The following NCR1 variants were observed in gnomAD, a reference collection of about 807,000 sequenced individuals.
NCR1 encodes natural cytotoxicity triggering receptor 1, also known as NK cell-activating receptor.
Under a neutral mutation model 32.5 loss-of-function variants are expected in NCR1, and 30 were observed. The observed-to-expected ratio is 0.92, with a 90% confidence interval of 0.69 to 1.25. The LOEUF is 1.25. Ranked by LOEUF, NCR1 falls within the 50% of genes most tolerant of loss-of-function variation. The pLI is 0.00. For synonymous variants in NCR1, 169 were observed against 143.4 expected (o/e 1.18, Z -1.28); for missense variants, 369 against 380.7 (o/e 0.97, Z 0.26).
At chr19:54,921,443 G>A in the NCR1 span, among the ~76,000 whole-genome samples, 1 of 152,176 alleles carries the variant, frequency 6.6e-6, no homozygotes, top group South Asian at 2.1e-4. Flanking sequence ...ATTCAGTGCT[G>A]AAGCCACTCA....
the NCR1 span, chr19:54,923,800 C>T: frequency 6.2e-7 from 1 of 1,614,138 alleles, no homozygotes; most frequent in Admixed American, 1.7e-5. Context: ...AATCAATAGT[C>T]AGCTTGGGAT....
the NCR1 span, chr19:54,934,413 G>GT: frequency 3.4e-6 from 5 of 1,482,916 alleles, no homozygotes; most frequent in Non-Finnish European, 4.7e-6. The surrounding 1 kb of genome is among the most constrained non-coding windows in gnomAD (Gnocchi z 6.7). Flanking sequence ...GGGTGGCGCA[G>GT]TAAGTCAGGT....
At chr19:54,920,156 C>G (rs2068219991), downstream of NCR1, among the ~76,000 whole-genome samples, 1 of 152,248 alleles carries the variant, frequency 6.6e-6, no homozygotes, top group African/African-American at 2.4e-5. Flanking sequence ...GGTGCCTTGC[C>G]GCCCACAATC....
At chr19:54,938,158 C>T in the NCR1 span, 1 of 1,613,968 alleles carries the variant, frequency 6.2e-7, no homozygotes, top group Non-Finnish European at 8.5e-7. Context: ...GCTGTTTGAG[C>T]TGAAGAGAGA....
the NCR1 span, among the ~76,000 whole-genome samples, chr19:54,924,684 C>G: frequency 6.6e-6 from 1 of 152,090 alleles, no homozygotes; most frequent in African/African-American, 2.4e-5. Flanking sequence ...GCCTATAATT[C>G]CAGCACTTTG....
intron 6 of NCR1, 57 bp from the exon 7 acceptor site, chr19:54,912,633 A>G: frequency 4.2e-6 from 2 of 477,334 alleles, no homozygotes; most frequent in South Asian, 3.7e-5. Flanking sequence ...AAAAAAAAAA[A>G]AAAAAGAGGG....
upstream of NCR1, among the ~76,000 whole-genome samples, chr19:54,903,424 A>G (rs902380808): frequency 6.8e-6 from 1 of 146,178 alleles, no homozygotes; most frequent in Non-Finnish European, 1.5e-5. Context: ...GCATACATGT[A>G]TGTATACACG....
the NCR1 span, among the ~76,000 whole-genome samples, chr19:54,931,844 T>TAA: frequency 0.02 from 2,158 of 108,326 alleles, 52 homozygotes; most frequent in African/African-American, 0.075. Context: ...GAGAGACTGT[T>TAA]AAAAAAAAAA....
the NCR1 span, chr19:54,923,742 A>C: frequency 6.2e-7 from 1 of 1,612,920 alleles, no homozygotes; most frequent in East Asian, 2.2e-5. Context: ...CAGGCTGCTC[A>C]GCAAAAAAAG....
chr19:54,919,838 C>T (rs1011039138), downstream of NCR1, among the ~76,000 whole-genome samples: 14 of 152,086 alleles, frequency 9.2e-5, no homozygotes, highest in Non-Finnish European at 1.8e-4. Context: ...ACGCTGGCGT[C>T]ACCGCTAGAC....
the NCR1 span, among the ~76,000 whole-genome samples, chr19:54,931,619 C>T: frequency 0.04 from 6,016 of 150,096 alleles, 159 homozygotes; most frequent in African/African-American, 0.069. Flanking sequence ...ACTGGGGAGA[C>T]GGAGGTTGTG....
chr19:54,934,547 C>T, the NCR1 span: 1 of 1,614,036 alleles, frequency 6.2e-7, no homozygotes, highest in Admixed American at 1.7e-5. This position sits in a 1 kb window ranked among gnomAD's most constrained non-coding sequence, Gnocchi z 6.7. Context: ...AACATGGCAC[C>T]CTCATCCAGG....
upstream of NCR1, among the ~76,000 whole-genome samples, chr19:54,904,144 GAAAGAA>G (rs151108352): frequency 0.23 from 30,935 of 133,170 alleles, 3,680 homozygotes; most frequent in African/African-American, 0.33. Context: ...AAAAAAAAAA[GAAAGAA>G]AAAGAAAAAG....
chr19:54,936,278 G>C, the NCR1 span: 1 of 1,613,446 alleles, frequency 6.2e-7, no homozygotes, highest in South Asian at 1.1e-5. Context: ...ACTGCAGGTT[G>C]CATTTATGAT....
downstream of NCR1, among the ~76,000 whole-genome samples, chr19:54,914,865 A>C (rs948546728): frequency 1.3e-5 from 2 of 149,904 alleles, no homozygotes; most frequent in Non-Finnish European, 3.0e-5. Context: ...TCAGCCTCCC[A>C]AGTAGCTGGG....
chr19:54,930,223 T>C, the NCR1 span, among the ~76,000 whole-genome samples: 1,262 of 151,614 alleles, frequency 8.3e-3, 21 homozygotes, highest in African/African-American at 0.028. Context: ...TCCTAGCACA[T>C]TGGGAGGCCG....
the NCR1 span, among the ~76,000 whole-genome samples, chr19:54,923,167 C>T: frequency 6.6e-6 from 1 of 152,204 alleles, no homozygotes; most frequent in Non-Finnish European, 1.5e-5. Flanking sequence ...GAAGCCTCCG[C>T]AGGTGCCAGC....
chr19:54,934,593 C>T, the NCR1 span: 17 of 1,614,118 alleles, frequency 1.1e-5, no homozygotes, highest in Non-Finnish European at 1.4e-5. This position sits in a 1 kb window ranked among gnomAD's most constrained non-coding sequence, Gnocchi z 6.7. Flanking sequence ...GCTTCAGGGA[C>T]TGGTTGGCTT....
chr19:54,922,538 G>A, the NCR1 span, among the ~76,000 whole-genome samples: 1 of 151,976 alleles, frequency 6.6e-6, no homozygotes, highest in East Asian at 1.9e-4. Flanking sequence ...ACCACTCTGG[G>A]AGGCTGAGGC....
Sources: allele counts gnomAD v4.1 joint callset (sites outside exome capture counted in the v4.1 genomes callset), GRCh38; gene constraint gnomAD v4.1.1; non-coding constraint Gnocchi (gnomAD v3.1); transcripts MANE v1.5; gene names NCBI Gene and HGNC (gene_info 2026-07-23, HGNC 2026-07-21).